The following PAFAH1B2 variants were observed in gnomAD, a reference collection of about 807,000 sequenced individuals.
PAFAH1B2 encodes platelet-activating factor acetylhydrolase IB subunit alpha2.
Under a neutral mutation model 28.0 loss-of-function variants are expected in PAFAH1B2, and 8 were observed. The observed-to-expected ratio is 0.29, with a 90% confidence interval of 0.17 to 0.52. The LOEUF (loss-of-function observed/expected upper bound fraction) is 0.52. PAFAH1B2 is among the 20% of genes least tolerant of loss of function. The pLI is 0.97. For synonymous variants in PAFAH1B2, 104 were observed against 103.2 expected (o/e 1.01, Z -0.05); for missense variants, 190 against 282.6 (o/e 0.67, Z 2.35).
chr11:117,164,648 T>A (rs1014042052), intron 5 of PAFAH1B2, among the ~76,000 whole-genome samples: 8 of 152,206 alleles, frequency 5.3e-5, no homozygotes, highest in Non-Finnish European at 1.0e-4. Flanking sequence ...ACTTTATAGT[T>A]GTACCCTGAA....
In PAFAH1B2 at chr11:117,169,722, T is replaced by C. The variant is rs1956606079; in HGVS notation, c.*2023T>C. ...TCCTTTTTATTTTTAGTAGCCCAGGTTGAGTTTTTCACAAGAGATTTTTTT... is the reference window on the plus strand; with the variant it reads ...TCCTTTTTATTTTTAGTAGCCCAGGCTGAGTTTTTCACAAGAGATTTTTTT... On this transcript the variant is annotated 3_prime_UTR_variant, in exon 6 of 6. Coordinates refer to ENST00000527958, the MANE Select transcript of PAFAH1B2 (RefSeq NM_002572.4). The C allele has an allele frequency of 1.6e-5, 17 of 1,057,932 alleles. No individual in the cohort carries two copies. Among genetic ancestry groups the C allele is most frequent in the Non-Finnish European group, 1.8e-5 (16 of 874,902 alleles). 65.5% of individuals were successfully genotyped at this position (1,057,932 alleles called of 1,614,324 possible).
At chr11:117,157,317 G>C (rs1956275377) in intron 2 of PAFAH1B2, among the ~76,000 whole-genome samples, 1 of 151,168 alleles carries the variant, frequency 6.6e-6, no homozygotes, top group Non-Finnish European at 1.5e-5. Flanking sequence ...TTGTTTGTTT[G>C]TTTAATTAGA....
chr11:117,154,822 G>A (rs1429867004), intron 2 of PAFAH1B2, among the ~76,000 whole-genome samples: 1 of 152,158 alleles, frequency 6.6e-6, no homozygotes, highest in East Asian at 1.9e-4. Flanking sequence ...AAAATAGTCT[G>A]GGGATGGAGT....
chr11:117,169,764 T>TTG lies in PAFAH1B2; in HGVS notation c.*2067_*2068dup. The TTG allele has an allele frequency of 9.5e-7, 1 of 1,057,458 alleles. No individual in the cohort carries two copies. The highest frequency in any genetic ancestry group is 5.3e-5 in the East Asian group (1 of 18,984). The allele number at this position is 1,057,458 out of a possible 1,614,324, so 65.5% of individuals were successfully genotyped here. A position where few individuals can be genotyped will look rare whatever the true frequency, so the allele number is the denominator to read the frequency against. On this transcript the variant is annotated 3_prime_UTR_variant, in exon 6 of 6. Coordinates refer to ENST00000527958, the MANE Select transcript of PAFAH1B2 (RefSeq NM_002572.4). Reference sequence around the variant, plus strand: ...GATTTTTTTCTTAGCTGAGGTATAGTTGTATAGCAAGAAGAATTAAGCCAG... The same window carrying TTG: ...GATTTTTTTCTTAGCTGAGGTATAGTTGTGTATAGCAAGAAGAATTAAGCCAG...
chr11:117,167,611 G>C lies in PAFAH1B2; in HGVS notation c.602G>C (p.Gly201Ala). 6.2e-7 allele frequency: 1 copy of C among 1,611,792 alleles called. No individual in the cohort carries two copies. Among genetic ancestry groups the C allele is most frequent in the Non-Finnish European group, 8.5e-7 (1 of 1,178,440 alleles). Residue 201 changes from glycine to alanine, a missense_variant, in exon 6 of 6, where the codon GGC becomes GCC. By Grantham distance (60) the Gly-to-Ala change is moderately conservative (BLOSUM62 0). Coordinates refer to ENST00000527958, the MANE Select transcript of PAFAH1B2 (RefSeq NM_002572.4). ...MFDFLHLTGG[G>A]YAKICKPLHE... is the part of the protein sequence containing the mutation. ...GATTTTCTGCATCTGACAGGAGGGG[G>C]CTATGCAAAGATCTGCAAACCCCTG...
chr11:117,167,793 A>T lies in PAFAH1B2; in HGVS notation c.*94A>T. 7.4e-7 allele frequency: 1 copy of T among 1,345,936 alleles called. No individual in the cohort carries two copies. The highest frequency in any genetic ancestry group is 2.7e-5 in the East Asian group (1 of 37,510). 83.4% of individuals were successfully genotyped at this position (1,345,936 alleles called of 1,614,324 possible). A position where few individuals can be genotyped will look rare whatever the true frequency, so the allele number is the denominator to read the frequency against. ...CCTTCTCTTTCTTAAGGCACTTTGC[A>T]TTGTAGAATGTTCCTGGATGTTCAT... On this transcript the variant is annotated 3_prime_UTR_variant, in exon 6 of 6. Transcript: ENST00000527958.
intron 1 of PAFAH1B2, among the ~76,000 whole-genome samples, chr11:117,151,956 C>T (rs771114126): frequency 1.6e-4 from 24 of 151,792 alleles, no homozygotes; most frequent in Non-Finnish European, 2.9e-4. Flanking sequence ...ATCCACCTGC[C>T]GCCTAGCCTC....
intron 2 of PAFAH1B2, chr11:117,159,257 C>G (rs1956318132): frequency 6.6e-6 from 1 of 151,994 alleles, no homozygotes; most frequent in South Asian, 2.1e-4. Flanking sequence ...CTTGAGAGTA[C>G]TAGAATGCTC....
At chr11:117,151,668 A>G (rs946784134) in intron 1 of PAFAH1B2, among the ~76,000 whole-genome samples, 1 of 152,078 alleles carries the variant, frequency 6.6e-6, no homozygotes, top group Non-Finnish European at 1.5e-5. Context: ...TTATTTAGTA[A>G]CCAGTGGATT....
intron 2 of PAFAH1B2, 46 bp downstream of exon 2, chr11:117,152,574 G>T: frequency 7.4e-7 from 1 of 1,358,854 alleles, no homozygotes; most frequent in Non-Finnish European, 1.1e-6. Flanking sequence ...TGAGTCTCCA[G>T]TTTTTTGTCT....
At chr11:117,149,499 T>G (rs950376685) in intron 1 of PAFAH1B2, among the ~76,000 whole-genome samples, 17 of 130,684 alleles carry the variant, frequency 1.3e-4, no homozygotes, top group African/African-American at 4.0e-4. Context: ...CGATCTCGGC[T>G]TACTGCAAGC....
In PAFAH1B2 at chr11:117,169,176, C is replaced by T. The variant is rs1243176515; in HGVS notation, c.*1477C>T. Reference sequence around the variant, plus strand: ...AAGTGAAGCTGCTCTTCAGCATAGACACTACCTTTATCCCATCATTTTAGT... The same window carrying T: ...AAGTGAAGCTGCTCTTCAGCATAGATACTACCTTTATCCCATCATTTTAGT... On this transcript the variant is annotated 3_prime_UTR_variant, in exon 6 of 6. Transcript: ENST00000527958. 9.7e-7 allele frequency: 1 copy of T among 1,029,796 alleles called. No homozygotes were observed. The highest frequency in any genetic ancestry group is 1.2e-6 in the Non-Finnish European group (1 of 856,902). The allele number at this position is 1,029,796 out of a possible 1,614,324, so 63.8% of individuals were successfully genotyped here.
In PAFAH1B2 at chr11:117,168,446, G is replaced by GTTTGTTTTTTTTTTTGTT. The variant is rs55659804; in HGVS notation, c.*750_*751insGTTTTTTTTTTTGTTTTT. 4.9e-6 allele frequency: 1 copy of GTTTGTTTTTTTTTTTGTT among 205,914 alleles called. No homozygotes were observed. Among genetic ancestry groups the GTTTGTTTTTTTTTTTGTT allele is most frequent in the Non-Finnish European group, 5.7e-6 (1 of 175,976 alleles). 12.8% of individuals were successfully genotyped at this position (205,914 alleles called of 1,614,324 possible). ...TCCCCTTCATTCCCCCCGCCACCCC[G>GTTTGTTTTTTTTTTTGTT]TTTTTTTTTTTTTTTTTTTTTTTTT... On this transcript the variant is annotated 3_prime_UTR_variant, in exon 6 of 6. Coordinates refer to ENST00000527958, the MANE Select transcript of PAFAH1B2 (RefSeq NM_002572.4).
chr11:117,157,052 A>G (rs937538911), intron 2 of PAFAH1B2, among the ~76,000 whole-genome samples: 6 of 150,894 alleles, frequency 4.0e-5, no homozygotes, highest in Non-Finnish European at 8.9e-5. Context: ...AAAAAAAAAG[A>G]AAGGTAGTTG....
At chr11:117,157,008 G>A (rs1956268409) in intron 2 of PAFAH1B2, among the ~76,000 whole-genome samples, 1 of 145,304 alleles carries the variant, frequency 6.9e-6, no homozygotes, top group African/African-American at 2.6e-5. Flanking sequence ...CTGGGTGACA[G>A]AGTGAAACCC....
intron 1 of PAFAH1B2, among the ~76,000 whole-genome samples, chr11:117,146,898 G>A (rs923798062): frequency 1.3e-5 from 2 of 151,372 alleles, no homozygotes; most frequent in Non-Finnish European, 2.9e-5. Flanking sequence ...TGCAGGAGGC[G>A]GAAACTGCAG....
At position 117,168,446 on chromosome 11, in the gene PAFAH1B2, G is replaced by C. The variant is rs1053293264; in HGVS notation, c.*747G>C. The C allele has an allele frequency of 4.7e-5, 11 of 235,912 alleles. No individual in the cohort carries two copies. In the Admixed American group the frequency reaches 2.2e-3, roughly 46 times the overall value. The allele number at this position is 235,912 out of a possible 1,614,324, so 14.6% of individuals were successfully genotyped here. Reference sequence around the variant, plus strand: ...TCCCCTTCATTCCCCCCGCCACCCCGTTTTTTTTTTTTTTTTTTTTTTTTT... The same window carrying C: ...TCCCCTTCATTCCCCCCGCCACCCCCTTTTTTTTTTTTTTTTTTTTTTTTT... On this transcript the variant is annotated 3_prime_UTR_variant, in exon 6 of 6. Coordinates refer to ENST00000527958, the MANE Select transcript of PAFAH1B2 (RefSeq NM_002572.4).
intron 4 of PAFAH1B2, among the ~76,000 whole-genome samples, chr11:117,161,801 G>T (rs537637908): frequency 6.6e-6 from 1 of 152,188 alleles, no homozygotes; most frequent in Middle Eastern, 3.4e-3. Flanking sequence ...GAGCCACCGC[G>T]CCTGGCTGAA....
chr11:117,154,218 T>G (rs1380054361), intron 2 of PAFAH1B2, among the ~76,000 whole-genome samples: 1 of 152,052 alleles, frequency 6.6e-6, no homozygotes, highest in Non-Finnish European at 1.5e-5. Context: ...CCAGGAGTAG[T>G]GACTCACACC....
Sources: gnomAD v4.1 joint callset for allele counts (sites outside exome capture counted in the v4.1 genomes callset) on GRCh38, gnomAD v4.1.1 for gene constraint, MANE v1.5 for transcripts, NCBI Gene and HGNC (gene_info 2026-07-23, HGNC 2026-07-21) for gene names.